Variants in ICMT observed in about 807,000 individuals in gnomAD.
ICMT encodes protein-S-isoprenylcysteine O-methyltransferase.
ICMT carries 10 observed loss-of-function variants against 32.2 expected under a neutral mutation model. The observed-to-expected ratio is 0.31, with a 90% CI of 0.19 to 0.53. ICMT has a LOEUF of 0.53. Ranked by LOEUF, ICMT falls within the 20% of genes least tolerant of loss-of-function variation. ICMT has a pLI of 0.96. For missense variants in ICMT, 265 were observed against 356.9 expected (o/e 0.74, Z 2.07); for synonymous variants, 183 against 158.2 (o/e 1.16, Z -1.18).
rs759332536 is a variant in ICMT, at chr1:6,225,200, G to A, written c.735C>T (p.Arg245=). Residue 245 remains arginine, a synonymous_variant, in exon 5 of 5, where the codon CGC becomes CGT. Coordinates refer to ENST00000343813, the MANE Select transcript of ICMT (RefSeq NM_012405.4). ...SYALTVWRFF[R]DRTEEEEISL... ...AGATTTCTTCTTCTTCTGTTCGATC[G>A]CGGAAGAATCGCCACACTGTCAGGG... 41 of 1,614,044 alleles carry A rather than the reference G, an allele frequency of 2.5e-5. No individual in the cohort carries two copies. The highest frequency in any genetic ancestry group is 3.3e-5 in the South Asian group (3 of 91,074).
chr1:6,228,589 G>T (rs904252662), intron 4 of ICMT, among the ~76,000 whole-genome samples: 1 of 151,914 alleles, frequency 6.6e-6, no homozygotes, highest in African/African-American at 2.4e-5. Flanking sequence ...TGATCTGCCT[G>T]CCTCAGCCTC....
At chr1:6,233,436 C>A in intron 3 of ICMT, 38 bp downstream of exon 3, 1 of 1,579,130 alleles carries the variant, frequency 6.3e-7, no homozygotes, top group African/African-American at 1.4e-5. Flanking sequence ...TGGGAGCCAC[C>A]CTTTTCCCCT....
intron 4 of ICMT, among the ~76,000 whole-genome samples, 182 bp from the exon 5 acceptor site, chr1:6,225,444 C>G (rs749842992): frequency 6.6e-6 from 1 of 152,202 alleles, no homozygotes. Flanking sequence ...GCCTTTCTCA[C>G]GTGCTTTCCT....
Position 6,222,275 on chromosome 1 carries a change from T to C in ICMT, c.*2805A>G, listed in dbSNP as rs1349539942. 6.6e-6 allele frequency: 1 copy of C among 152,060 alleles called. No individual in the cohort carries two copies. The highest frequency in any genetic ancestry group is 1.5e-5 in the Non-Finnish European group (1 of 68,040). The allele number at this position is 152,060 out of a possible 1,614,324, so 9.4% of individuals were successfully genotyped here. A position where few individuals can be genotyped will look rare whatever the true frequency, so the allele number is the denominator to read the frequency against. On this transcript the variant is annotated 3_prime_UTR_variant, in exon 5 of 5. Transcript: ENST00000343813. ...GTCTCTACTAAAAATACAAAAAAATTAGCTGGGCATGGTGGCCCAAGCCTG... is the reference window on the plus strand; with the variant it reads ...GTCTCTACTAAAAATACAAAAAAATCAGCTGGGCATGGTGGCCCAAGCCTG...
In ICMT at chr1:6,233,634, G is replaced by A. The variant is rs140325780; in HGVS notation, c.294C>T (p.Cys98=). ...CAGAATAGTGGAACAATGACAGGGA[G>A]CACATGTACCTATTTAAAGACAAAA... The part of the protein sequence containing the change: ...SSWSHFGWYM[C]SLSLFHYSEY... The change falls in exon 3 of 5, where the codon TGC becomes TGT. Residue 98 remains cysteine, a synonymous_variant. Transcript: ENST00000343813. 165 of 1,610,798 alleles carry A rather than the reference G, an allele frequency of 1.0e-4. No homozygotes were observed. The highest frequency in any genetic ancestry group is 1.3e-4 in the Non-Finnish European group (159 of 1,179,006).
In ICMT at chr1:6,222,749, G is replaced by A. The variant is rs565627158; in HGVS notation, c.*2331C>T. ...CCAGCAGCTGCCAACAGCTGCCCTA[G>A]ACCTATCAACAAGACAACTTCATGG... On this transcript the variant is annotated 3_prime_UTR_variant, in exon 5 of 5. Transcript: ENST00000343813. 6.6e-6 allele frequency: 1 copy of A among 152,272 alleles called. No individual in the cohort carries two copies. 9.4% of individuals were successfully genotyped at this position (152,272 alleles called of 1,614,324 possible).
At chr1:6,231,102 C>A (rs1182058569) in intron 4 of ICMT, among the ~76,000 whole-genome samples, 1 of 150,988 alleles carries the variant, frequency 6.6e-6, no homozygotes, top group Non-Finnish European at 1.5e-5. Context: ...ACTTGGGAGG[C>A]AGAGGTTGCA....
At chr1:6,226,449 C>A (rs1022152773) in intron 4 of ICMT, among the ~76,000 whole-genome samples, 2 of 152,158 alleles carry the variant, frequency 1.3e-5, no homozygotes, top group African/African-American at 4.8e-5. Context: ...TCCTTCAAGG[C>A]CAAAAGCATT....
At chr1:6,235,659 G>A in intron 1 of ICMT, 58 bp downstream of exon 1, 1 of 1,090,568 alleles carries the variant, frequency 9.2e-7, no homozygotes, top group East Asian at 4.8e-5. Context: ...CCCACGCGCC[G>A]CGCCAAGCGG....
rs184399110 is a variant in ICMT, at chr1:6,233,879, C to T, written c.285-236G>A. ...TTTTGTTTTGTTTGAGACAGAGTCT[C>T]GCTGTGTCGCCCAGGCTGGAATGCA... On this transcript the variant is annotated intron_variant, in intron 2 of 4. Coordinates refer to ENST00000343813, the MANE Select transcript of ICMT (RefSeq NM_012405.4). Among the ~76,000 whole-genome samples, 175 of 152,272 alleles carry T rather than the reference C, an allele frequency of 1.1e-3. 1 individual carries two copies. The highest frequency in any genetic ancestry group is 2.0e-3 in the Non-Finnish European group (135 of 68,024).
chr1:6,235,585 G>T, intron 1 of ICMT, 132 bp downstream of exon 1: 2 of 519,954 alleles, frequency 3.8e-6, no homozygotes, highest in Non-Finnish European at 5.3e-6. Flanking sequence ...CCCCTCCTGC[G>T]ACCTGAACTC....
Position 6,233,724 on chromosome 1 carries a change from G to A in ICMT, c.285-81C>T, listed in dbSNP as rs74049512. ...AGTGCACATCTGGGTCTCCTGAGCTGTCCCTAAGTCTATGAGGCCCTGTTC... is the reference window on the plus strand; with the variant it reads ...AGTGCACATCTGGGTCTCCTGAGCTATCCCTAAGTCTATGAGGCCCTGTTC... On this transcript the variant is annotated intron_variant, in intron 2 of 4. Transcript: ENST00000343813. 0.011 allele frequency: 13,174 copies of A among 1,173,984 alleles called. 764 individuals are homozygous for A. In the African/African-American group the frequency reaches 0.15, roughly 13 times the overall value. The allele number at this position is 1,173,984 out of a possible 1,614,324, so 72.7% of individuals were successfully genotyped here.
At chr1:6,226,367 C>A (rs545313932) in intron 4 of ICMT, among the ~76,000 whole-genome samples, 1 of 152,214 alleles carries the variant, frequency 6.6e-6, no homozygotes, top group South Asian at 2.1e-4. Context: ...GCATACCAGC[C>A]TGGGCGACAG....
intron 4 of ICMT, among the ~76,000 whole-genome samples, chr1:6,230,087 C>G (rs1193830106): frequency 6.6e-6 from 1 of 151,040 alleles, no homozygotes. Flanking sequence ...CCCAGGAGTT[C>G]AAGACCAGCA....
chr1:6,229,762 A>G (rs184848333), intron 4 of ICMT, among the ~76,000 whole-genome samples: 50 of 143,812 alleles, frequency 3.5e-4, no homozygotes, highest in Admixed American at 3.1e-3. Context: ...AAAACAAAAA[A>G]CCATACATAA....
At position 6,222,566 on chromosome 1, in the gene ICMT, T is replaced by C. The variant is rs183421578; in HGVS notation, c.*2514A>G. The C allele has an allele frequency of 6.6e-6, 1 of 152,370 alleles. No individual in the cohort carries two copies. Among genetic ancestry groups the C allele is most frequent in the East Asian group, 1.9e-4 (1 of 5,190 alleles). 9.4% of individuals were successfully genotyped at this position (152,370 alleles called of 1,614,324 possible). A position where few individuals can be genotyped will look rare whatever the true frequency, so the allele number is the denominator to read the frequency against. The stretch of plus-strand genomic sequence containing the variant: ...CTCTCCAAAGCAGAGTACGTCAAGT[T>C]TTCCCTGGTGTCAGACAGCATTTCA... On this transcript the variant is annotated 3_prime_UTR_variant, in exon 5 of 5. Transcript: ENST00000343813.
chr1:6,235,522 A>G (rs893846765), intron 1 of ICMT, among the ~76,000 whole-genome samples, 195 bp downstream of exon 1: 2 of 152,092 alleles, frequency 1.3e-5, no homozygotes, highest in African/African-American at 4.8e-5. Context: ...ACAAGCTGCA[A>G]TTTAACAACC....
At chr1:6,229,763 C>A (rs1425728479) in intron 4 of ICMT, among the ~76,000 whole-genome samples, 5 of 140,488 alleles carry the variant, frequency 3.6e-5, no homozygotes, top group African/African-American at 1.4e-4. Context: ...AAACAAAAAA[C>A]CATACATAAA....
chr1:6,232,222 G>A, intron 3 of ICMT, 103 bp from the exon 4 acceptor site: 1 of 772,044 alleles, frequency 1.3e-6, no homozygotes, highest in Non-Finnish European at 2.1e-6. Flanking sequence ...GACAGAAACA[G>A]AAAATGTGCT....
Sources: gnomAD v4.1 joint callset for allele counts (sites outside exome capture counted in the v4.1 genomes callset) on GRCh38, gnomAD v4.1.1 for gene constraint, MANE v1.5 for transcripts, NCBI Gene and HGNC (gene_info 2026-07-23, HGNC 2026-07-21) for gene names.